LRRC37A2: variants seen among roughly 807,000 people sequenced by gnomAD.
LRRC37A2 encodes leucine-rich repeat-containing protein 37A2.
A neutral mutation model predicts 68.8 loss-of-function variants in LRRC37A2; 9 were observed. The ratio of observed to expected loss-of-function variants is 0.13; its 90% CI spans 0.08 to 0.23. The LOEUF (loss-of-function observed/expected upper bound fraction) is 0.23, where lower values mean the gene tolerates loss of function less well. LRRC37A2 is among the 10% of genes least tolerant of loss of function. The pLI, the probability that LRRC37A2 is intolerant of heterozygous loss-of-function variation, is 1.00. For missense variants in LRRC37A2, 168 were observed against 950.4 expected (o/e 0.18, Z 10.82); for synonymous variants, 63 against 367.6 (o/e 0.17, Z 9.48).
the LRRC37A2 span, among the ~76,000 whole-genome samples, chr17:46,605,715 TA>T: frequency 0.024 from 867 of 35,928 alleles, 2 homozygotes; most frequent in Middle Eastern, 0.11. Flanking sequence ...TCCTGAAGGC[TA>T]AAAAAAAAAA....
At chr17:46,927,322 A>G in the LRRC37A2 span, among the ~76,000 whole-genome samples, 2 of 152,106 alleles carry the variant, frequency 1.3e-5, no homozygotes, top group Non-Finnish European at 2.9e-5. Context: ...AGTCTGTGCC[A>G]TTCATTTGTT....
the LRRC37A2 span, among the ~76,000 whole-genome samples, chr17:46,765,105 T>C: frequency 6.6e-6 from 1 of 152,262 alleles, no homozygotes; most frequent in Non-Finnish European, 1.5e-5. Flanking sequence ...CAGCAGTGTG[T>C]TCATTTTACT....
chr17:46,542,520 TATATAG>T (rs1165051895), intron 8 of LRRC37A2, among the ~76,000 whole-genome samples: 6 of 146,716 alleles, frequency 4.1e-5, no homozygotes, highest in South Asian at 2.1e-4. Context: ...GCAGGATATA[TATATAG>T]ATATAGATAT....
At chr17:46,851,060 C>G in the LRRC37A2 span, among the ~76,000 whole-genome samples, 9 of 152,358 alleles carry the variant, frequency 5.9e-5, no homozygotes, top group African/African-American at 2.2e-4. The surrounding 1 kb of genome is among the most constrained non-coding windows in gnomAD (Gnocchi z 4.3). Context: ...GCATTTCCCC[C>G]GCTTCCAGAG....
chr17:46,936,574 G>GGA, the LRRC37A2 span: 233 of 985,550 alleles, frequency 2.4e-4, 2 homozygotes, highest in South Asian at 0.01. Context: ...AAGGAACATA[G>GGA]GAGAGGGCAT....
At chr17:46,952,039 A>C in the LRRC37A2 span, among the ~76,000 whole-genome samples, 1 of 152,100 alleles carries the variant, frequency 6.6e-6, no homozygotes, top group Non-Finnish European at 1.5e-5. Flanking sequence ...CATCAGGGAG[A>C]GGGGGAGATT....
At chr17:47,023,147 TAATTA>T in the LRRC37A2 span, among the ~76,000 whole-genome samples, 1 of 152,248 alleles carries the variant, frequency 6.6e-6, no homozygotes, top group Non-Finnish European at 1.5e-5. Flanking sequence ...CTCATGAATT[TAATTA>T]AATATCTTTA....
the LRRC37A2 span, chr17:46,875,179 G>A: frequency 3.1e-6 from 5 of 1,614,052 alleles, no homozygotes; most frequent in Non-Finnish European, 4.2e-6. Context: ...TGCAGCGCTG[G>A]GCGCATGGAG....
the LRRC37A2 span, among the ~76,000 whole-genome samples, chr17:46,842,100 G>A: frequency 1.3e-5 from 2 of 152,240 alleles, no homozygotes; most frequent in Non-Finnish European, 1.5e-5. Context: ...CCCACCACTT[G>A]CCTTCTCACA....
the LRRC37A2 span, among the ~76,000 whole-genome samples, chr17:46,863,668 G>A: frequency 1.3e-5 from 2 of 152,220 alleles, no homozygotes; most frequent in Non-Finnish European, 2.9e-5. Flanking sequence ...AAAGGTTCCA[G>A]GGTATCCATG....
At chr17:46,746,890 G>T in the LRRC37A2 span, among the ~76,000 whole-genome samples, 1 of 152,142 alleles carries the variant, frequency 6.6e-6, no homozygotes, top group Non-Finnish European at 1.5e-5. Context: ...GATCTGGAGA[G>T]GTGCCATACT....
chr17:46,607,991 CA>C, the LRRC37A2 span, among the ~76,000 whole-genome samples: 1 of 130,602 alleles, frequency 7.7e-6, no homozygotes, highest in African/African-American at 3.2e-5. Context: ...GGAGAAAGAC[CA>C]GAGTGGAAGA....
the LRRC37A2 span, among the ~76,000 whole-genome samples, chr17:46,944,169 G>A: frequency 5.9e-5 from 9 of 152,334 alleles, no homozygotes; most frequent in South Asian, 2.1e-4. Context: ...TCTTTATTCC[G>A]TCTTCCAGAG....
the LRRC37A2 span, among the ~76,000 whole-genome samples, chr17:47,001,153 C>T: frequency 6.6e-6 from 1 of 152,050 alleles, no homozygotes; most frequent in African/African-American, 2.4e-5. Flanking sequence ...ACCAACAAGG[C>T]GTAATAAGGA....
intron 6 of LRRC37A2, among the ~76,000 whole-genome samples, chr17:46,537,087 T>A (rs1284063651): frequency 8.3e-4 from 9 of 10,858 alleles, no homozygotes; most frequent in Non-Finnish European, 1.4e-3. Flanking sequence ...ATTTTTTTTT[T>A]TTTTTTTTTT....
At chr17:46,877,332 G>C in the LRRC37A2 span, among the ~76,000 whole-genome samples, 1 of 152,234 alleles carries the variant, frequency 6.6e-6, no homozygotes, top group Non-Finnish European at 1.5e-5. Flanking sequence ...CTGTGCTTGA[G>C]TGGACCCGAG....
chr17:46,893,756 T>A, the LRRC37A2 span, among the ~76,000 whole-genome samples: 9 of 152,144 alleles, frequency 5.9e-5, no homozygotes, highest in Non-Finnish European at 1.5e-5. Flanking sequence ...CTAGAAAGAT[T>A]GCTGTAACTG....
chr17:46,980,666 C>CAAAA, the LRRC37A2 span, among the ~76,000 whole-genome samples: 25 of 83,888 alleles, frequency 3.0e-4, 3 homozygotes, highest in East Asian at 1.5e-3. Context: ...ACTAAAAATA[C>CAAAA]AAAAAAAAAA....
chr17:47,019,648 C>T, the LRRC37A2 span: 1 of 1,409,882 alleles, frequency 7.1e-7, no homozygotes, highest in Non-Finnish European at 1.0e-6. Context: ...TTAACTGCAC[C>T]AGAGGAACAG....
Sources: gnomAD v4.1 joint callset for allele counts (sites outside exome capture counted in the v4.1 genomes callset) on GRCh38, gnomAD v4.1.1 for gene constraint, Gnocchi (gnomAD v3.1) non-coding constraint, MANE v1.5 for transcripts, NCBI Gene and HGNC (gene_info 2026-07-23, HGNC 2026-07-21) for gene names.